The following SLC10A1 variants were observed in gnomAD, a reference collection of about 807,000 sequenced individuals.
SLC10A1 encodes the protein solute carrier family 10 member 1, also known as hepatic sodium/bile acid cotransporter.
SLC10A1 carries 36 observed loss-of-function variants against 20.5 expected under a neutral mutation model. That is an observed-to-expected ratio of 1.75 (90% CI 1.34 to 2.32). The LOEUF (loss-of-function observed/expected upper bound fraction) is 2.32. Ranked by LOEUF, SLC10A1 falls within the 30% of genes most tolerant of loss-of-function variation. SLC10A1 has a pLI of 0.00. For synonymous variants in SLC10A1, 188 were observed against 163.6 expected (o/e 1.15, Z -1.14); for missense variants, 545 against 439.1 (o/e 1.24, Z -2.16).
intron 2 of SLC10A1, among the ~76,000 whole-genome samples, chr14:69,785,820 G>A (rs1473678178): frequency 6.6e-6 from 1 of 150,718 alleles, no homozygotes; most frequent in South Asian, 2.1e-4. Context: ...TGTTGGTCAG[G>A]CTGGTCTCAA....
intron 4 of SLC10A1, 51 bp downstream of exon 4, chr14:69,778,282 C>A: frequency 6.9e-7 from 1 of 1,454,164 alleles, no homozygotes; most frequent in Non-Finnish European, 9.3e-7. Context: ...TTGGCAGGCT[C>A]AGGTCTAATA....
chr14:69,776,127 T>A lies in SLC10A1; in HGVS notation c.*155A>T. The stretch of plus-strand genomic sequence containing the variant: ...AGGCTTCTTGGGTAGACACCCTGTC[T>A]GTGTTCCCGGCCAAGACTTGATGAT... On this transcript the variant is annotated 3_prime_UTR_variant, in exon 5 of 5. Transcript: ENST00000216540. 1 of 618,098 alleles carries A rather than the reference T, an allele frequency of 1.6e-6. No individual in the cohort carries two copies. Among genetic ancestry groups the A allele is most frequent in the Non-Finnish European group, 2.9e-6 (1 of 348,552 alleles). 38.3% of individuals were successfully genotyped at this position (618,098 alleles called of 1,614,324 possible).
In SLC10A1 at chr14:69,784,300, C is replaced by T. The variant is rs1372678750; in HGVS notation, c.567+1797G>A. On this transcript the variant is annotated intron_variant, in intron 2 of 4. Transcript: ENST00000216540. ...TTGAGGAGGCAGTGGTCAATTATGTCCAATGCTGCTAGAAGGTCAAGGAAG... is the reference window on the plus strand; with the variant it reads ...TTGAGGAGGCAGTGGTCAATTATGTTCAATGCTGCTAGAAGGTCAAGGAAG... Among the ~76,000 whole-genome samples, 3 of 152,082 alleles carry T rather than the reference C, an allele frequency of 2.0e-5. No individual in the cohort carries two copies. In the East Asian group the frequency reaches 5.8e-4, roughly 29 times the overall value.
At chr14:69,776,815 G>A (rs566627304) in intron 4 of SLC10A1, among the ~76,000 whole-genome samples, 107 of 152,238 alleles carry the variant, frequency 7.0e-4, no homozygotes, top group Non-Finnish European at 1.3e-3. Flanking sequence ...TGGTGTAGGC[G>A]GTGATGCAAA....
At chr14:69,794,914 GC>G (rs1882355879) in intron 1 of SLC10A1, among the ~76,000 whole-genome samples, 1 of 152,182 alleles carries the variant, frequency 6.6e-6, no homozygotes, top group African/African-American at 2.4e-5. Flanking sequence ...AGGCATTGTG[GC>G]AGAGGCCTCA....
At position 69,796,791 on chromosome 14, in the gene SLC10A1, C is replaced by T. The variant is rs201086542; in HGVS notation, c.356+9G>A. 4.4e-6 allele frequency: 7 copies of T among 1,607,974 alleles called. No individual in the cohort carries two copies. In the Admixed American group the frequency reaches 8.4e-5, roughly 19 times the overall value. On this transcript the variant is annotated intron_variant, in intron 1 of 4. Transcript: ENST00000216540. ...TCCCAGGCTGTTCCCTCCTCACCCC[C>T]AGGCCTACCTGAGGTTCATGTCCCC...
At position 69,784,068 on chromosome 14, in the gene SLC10A1, T is replaced by A. The variant is rs140781563; in HGVS notation, c.567+2029A>T. On this transcript the variant is annotated intron_variant, in intron 2 of 4. Coordinates refer to ENST00000216540, the MANE Select transcript of SLC10A1 (RefSeq NM_003049.4). Reference sequence around the variant, plus strand: ...GAGTTGACATCTGATGATGCTGTTCTGGAAGTCTCGGTTTGCAGATGGTAA... The same window carrying A: ...GAGTTGACATCTGATGATGCTGTTCAGGAAGTCTCGGTTTGCAGATGGTAA... Among the ~76,000 whole-genome samples the A allele has an allele frequency of 2.0e-5, 3 of 152,296 alleles. No homozygotes were observed. The East Asian group carries it at 5.8e-4, about 29-fold the overall frequency.
At chr14:69,780,150 CT>C (rs960703847) in intron 2 of SLC10A1, among the ~76,000 whole-genome samples, 7 of 152,190 alleles carry the variant, frequency 4.6e-5, no homozygotes, top group Non-Finnish European at 1.0e-4. Context: ...CCCAAAAGAA[CT>C]TTCAGAAATA....
chr14:69,786,316 A>T lies in SLC10A1; in HGVS notation c.357-9T>A, dbSNP rs1307383100. The T allele has an allele frequency of 6.2e-7, 1 of 1,611,536 alleles. No individual in the cohort carries two copies. Among genetic ancestry groups the T allele is most frequent in the Admixed American group, 1.7e-5 (1 of 60,016 alleles). ...AGGTGGTCATCACAATGCTGGTGGG[A>T]GACATGGGAAGAGGGGAGAGAGAGA... On this transcript the variant is annotated splice_polypyrimidine_tract_variant and intron_variant, in intron 1 of 4. Transcript: ENST00000216540.
In SLC10A1 at chr14:69,778,404, A is replaced by G. The variant is rs1883501045; in HGVS notation, c.872T>C (p.Ile291Thr). 6.2e-7 allele frequency: 1 copy of G among 1,613,920 alleles called. No homozygotes were observed. The highest frequency in any genetic ancestry group is 1.3e-5 in the African/African-American group (1 of 74,900). The part of the protein sequence containing the change: ...PLFFFPLLYM[I>T]FQLGEGLLLI... ...GAGAAGCCCTTCTCCAAGCTGGAAA[A>G]TCATGTAGAGGAGGGGAAAGAAGAA... Residue 291 changes from isoleucine to threonine, a missense_variant, in exon 4 of 5, where the codon ATT becomes ACT. Transcript: ENST00000216540.
At chr14:69,780,778 A>G (rs780679947) in intron 2 of SLC10A1, among the ~76,000 whole-genome samples, 34 of 152,198 alleles carry the variant, frequency 2.2e-4, no homozygotes, top group Non-Finnish European at 4.1e-4. Flanking sequence ...CTTATTAGCT[A>G]ATGAACTTCT....
rs1491197021 is a variant in SLC10A1 at position 69,779,283 on chromosome 14, CAT to C, written c.643_644del (p.Met215ValfsTer62). Reference protein sequence around the residue: ...LSAINVGKSIMFAMTPLLIAT... With the variant: ...LSAINVGKSIXFAMTPLLIAT... ...CAATCAAGAGTGGTGTCATGGCAAA[CAT>C]GATGCTCTTCCCCACATTGATGGCA... On this transcript the variant is annotated frameshift_variant, in exon 3 of 5. Coordinates refer to ENST00000216540, the MANE Select transcript of SLC10A1 (RefSeq NM_003049.4). LOFTEE classifies it high-confidence loss of function. The C allele has an allele frequency of 3.1e-6, 5 of 1,613,820 alleles. No individual in the cohort carries two copies. Among genetic ancestry groups the C allele is most frequent in the Non-Finnish European group, 4.2e-6 (5 of 1,179,972 alleles).
chr14:69,779,312 A>G lies in SLC10A1; in HGVS notation c.616T>C (p.Ser206Pro). 6.2e-7 allele frequency: 1 copy of G among 1,614,068 alleles called. No individual in the cohort carries two copies. Among genetic ancestry groups the G allele is most frequent in the Non-Finnish European group, 8.5e-7 (1 of 1,179,980 alleles). Residue 206 changes from serine to proline, a missense_variant, in exon 3 of 5, where the codon TCT becomes CCT. Coordinates refer to ENST00000216540, the MANE Select transcript of SLC10A1 (RefSeq NM_003049.4). ...LLCSVAVTVL[S>P]AINVGKSIMF... ...ATGCTCTTCCCCACATTGATGGCAG[A>G]GAGAACTGTGACGGCCACACTGCAC... is the stretch of plus-strand genomic sequence containing the variant.
chr14:69,786,645 G>A (rs1883721819), intron 1 of SLC10A1, among the ~76,000 whole-genome samples: 2 of 152,126 alleles, frequency 1.3e-5, no homozygotes, highest in Admixed American at 6.6e-5. Flanking sequence ...TTCGCATTGA[G>A]CACCTCCCCC....
At position 69,778,333 on chromosome 14, in the gene SLC10A1, C is replaced by T; in HGVS notation, c.943G>A (p.Asp315Asn). Residue 315 changes from aspartate (D) to asparagine (N), a missense_variant and splice_region_variant, in exon 4 of 5, where the codon GAT becomes AAT. By Grantham distance (23) the Asp-to-Asn change is conservative. Transcript: ENST00000216540. The stretch of plus-strand genomic sequence containing the variant: ...AAGTGGGGATAATTTCAGTACTCAC[C>T]CTTGGGAGTCTTGAATTTCTCATAG... ...WCYEKFKTPK[D>N]KTKMIYTAAT... 1.3e-6 allele frequency: 2 copies of T among 1,598,376 alleles called. No individual in the cohort carries two copies. Among genetic ancestry groups the T allele is most frequent in the Non-Finnish European group, 1.7e-6 (2 of 1,171,998 alleles).
chr14:69,785,773 T>A (rs570755121), intron 2 of SLC10A1, among the ~76,000 whole-genome samples: 199 of 151,292 alleles, frequency 1.3e-3, no homozygotes, highest in African/African-American at 4.6e-3. Context: ...AATTTTTTTT[T>A]TTTTTTTGTA....
At chr14:69,785,950 C>T (rs1883701408) in intron 2 of SLC10A1, 147 bp downstream of exon 2, 4 of 638,796 alleles carry the variant, frequency 6.3e-6, no homozygotes, top group Admixed American at 2.8e-5. Context: ...ACTCTGGTGA[C>T]AGTGAATCCT....
chr14:69,786,029 A>C (rs917580863), intron 2 of SLC10A1, 68 bp downstream of exon 2: 1 of 1,109,918 alleles, frequency 9.0e-7, no homozygotes, highest in Non-Finnish European at 1.4e-6. Context: ...TATAATGATT[A>C]TATCTTATAG....
At chr14:69,779,161 A>T (rs200796123) in intron 3 of SLC10A1, 21 bp downstream of exon 3, 259 of 177,096 alleles carry the variant, frequency 1.5e-3, no homozygotes, top group African/African-American at 5.7e-3. Flanking sequence ...ACCCTTTCTT[A>T]AAAAAAAAAA....
Sources: gnomAD v4.1 joint callset for allele counts (sites outside exome capture counted in the v4.1 genomes callset) on GRCh38, gnomAD v4.1.1 for gene constraint, MANE v1.5 for transcripts, NCBI Gene and HGNC (gene_info 2026-07-23, HGNC 2026-07-21) for gene names.